PCDHGB3: variants seen among roughly 807,000 people sequenced by gnomAD.
The protein encoded by PCDHGB3 is protocadherin gamma-B3.
PCDHGB3 carries 40 observed loss-of-function variants against 59.2 expected under a neutral mutation model. The ratio of observed to expected loss-of-function variants is 0.68; its 90% CI spans 0.52 to 0.88. The LOEUF is 0.88. Among genes scored for constraint, PCDHGB3 ranks in the 40% least tolerant of loss-of-function variants. The probability of loss-of-function intolerance (pLI) is 0.00; values close to 1 mark genes in which losing one functional copy is unlikely to be tolerated. For synonymous variants in PCDHGB3, 581 were observed against 503.6 expected, an observed-to-expected ratio of 1.15 and a Z score of -2.06; for missense variants, 1,309 against 1,187.9, an observed-to-expected ratio of 1.10 and a Z score of -1.50.
At chr5:141,480,722 C>T (rs1002559431) in intron 1 of PCDHGB3, among the ~76,000 whole-genome samples, 1 of 152,174 alleles carries the variant, frequency 6.6e-6, no homozygotes, top group African/African-American at 2.4e-5. Flanking sequence ...AAAGCACAGT[C>T]TCTGGGGGTG....
At chr5:141,495,278 C>A (rs2099760057) in intron 2 of PCDHGB3, among the ~76,000 whole-genome samples, 1 of 152,174 alleles carries the variant, frequency 6.6e-6, no homozygotes, top group Non-Finnish European at 1.5e-5. Context: ...CCGGAGGAGG[C>A]GGTCCGCACT....
chr5:141,504,510 C>T (rs2099838864), intron 2 of PCDHGB3, among the ~76,000 whole-genome samples: 1 of 151,952 alleles, frequency 6.6e-6, no homozygotes, highest in Non-Finnish European at 1.5e-5. Context: ...GAGTGGATCT[C>T]CTCTGATATA....
intron 1 of PCDHGB3, chr5:141,410,146 C>G: frequency 6.2e-7 from 1 of 1,612,390 alleles, no homozygotes. Flanking sequence ...CTGTGCGTGA[C>G]GGTGGACAGC....
At chr5:141,438,538 A>G (rs950527053) in intron 1 of PCDHGB3, among the ~76,000 whole-genome samples, 2 of 145,166 alleles carry the variant, frequency 1.4e-5, no homozygotes, top group African/African-American at 2.6e-5. Context: ...CTTTTCCTCT[A>G]TATCTAAGCC....
chr5:141,389,208 G>A (rs762367131), intron 1 of PCDHGB3: 7 of 1,613,930 alleles, frequency 4.3e-6, no homozygotes, highest in Non-Finnish European at 5.9e-6. Context: ...GCACATTGGT[G>A]ATGTAAATGA....
At chr5:141,382,300 A>C (rs1428266380) in intron 1 of PCDHGB3, among the ~76,000 whole-genome samples, 1 of 152,240 alleles carries the variant, frequency 6.6e-6, no homozygotes, top group Non-Finnish European at 1.5e-5. Flanking sequence ...AATTAATTAA[A>C]ATTTATATAC....
rs2099883697 is a variant in PCDHGB3, at chr5:141,511,284, G to T, written c.*111G>T. On this transcript the variant is annotated 3_prime_UTR_variant, in exon 4 of 4. Coordinates refer to ENST00000576222, the MANE Select transcript of PCDHGB3 (RefSeq NM_018924.5). ...AGGGCTAACCCCCAGAATACTGGTA[G>T]GGGCCAAGGCCATGCTCCCCTTGGG... 6.5e-7 allele frequency: 1 copy of T among 1,528,258 alleles called. No homozygotes were observed. Among genetic ancestry groups the T allele is most frequent in the African/African-American group, 1.4e-5 (1 of 72,674 alleles). 94.7% of individuals were successfully genotyped at this position (1,528,258 alleles called of 1,614,324 possible). A position where few individuals can be genotyped will look rare whatever the true frequency, so the allele number is the denominator to read the frequency against.
At chr5:141,389,547 G>A in intron 1 of PCDHGB3, 1 of 1,613,252 alleles carries the variant, frequency 6.2e-7, no homozygotes, top group East Asian at 2.2e-5. Context: ...CGACCGCAAC[G>A]ACAATGCGCC....
intron 1 of PCDHGB3, among the ~76,000 whole-genome samples, chr5:141,454,796 A>ATTTTTTTTTTT (rs61612330): frequency 0.014 from 1,093 of 77,476 alleles, 165 homozygotes; most frequent in African/African-American, 0.018. Flanking sequence ...CATGGTTCTA[A>ATTTTTTTTTTT]TTTTTTTTTT....
intron 1 of PCDHGB3, among the ~76,000 whole-genome samples, chr5:141,468,216 T>C (rs2099160325): frequency 6.6e-6 from 1 of 150,794 alleles, no homozygotes. Flanking sequence ...TTCCAGCTAC[T>C]TGGGAGGATG....
At chr5:141,407,932 C>T (rs1465007397) in intron 1 of PCDHGB3, 7 of 504,268 alleles carry the variant, frequency 1.4e-5, no homozygotes, top group Non-Finnish European at 2.0e-5. Context: ...CACGGAGCCT[C>T]TGGGCGCCGC....
intron 1 of PCDHGB3, among the ~76,000 whole-genome samples, chr5:141,461,886 C>T (rs944110458): frequency 3.3e-5 from 5 of 151,972 alleles, no homozygotes; most frequent in South Asian, 2.1e-4. Context: ...TGCAATGGCA[C>T]GATCTCGGCT....
At chr5:141,494,780 G>A (rs1314622459) in intron 1 of PCDHGB3, 27 bp from the exon 2 acceptor site, 13 of 1,613,898 alleles carry the variant, frequency 8.1e-6, no homozygotes, top group African/African-American at 1.3e-5. Context: ...CGGGTACTCA[G>A]CCCCTTTCCC....
At chr5:141,415,739 GGTTTTTTTT>G in intron 1 of PCDHGB3, 5 of 434,942 alleles carry the variant, frequency 1.1e-5, no homozygotes, top group African/African-American at 9.8e-5. Context: ...TGTTTATTAA[GGTTTTTTTT>G]TTTTTTTTTT....
chr5:141,484,958 G>C (rs2099604320), intron 1 of PCDHGB3: 1 of 575,756 alleles, frequency 1.7e-6, no homozygotes, highest in Non-Finnish European at 3.1e-6. Flanking sequence ...TATTGGCTGA[G>C]CCCGGGAGCC....
chr5:141,399,968 G>T (rs1173181110), intron 1 of PCDHGB3: 2 of 1,612,128 alleles, frequency 1.2e-6, no homozygotes, highest in Non-Finnish European at 1.7e-6. Flanking sequence ...GGGCTCTTCA[G>T]CCTGGGGCTG....
intron 1 of PCDHGB3, chr5:141,478,174 G>GA (rs1156842877): frequency 3.7e-6 from 6 of 1,613,692 alleles, no homozygotes; most frequent in South Asian, 1.1e-5. Context: ...CCCGGGAGCA[G>GA]AAAAAAAATC....
chr5:141,423,647 C>T (rs775169904), intron 1 of PCDHGB3: 3 of 1,589,144 alleles, frequency 1.9e-6, no homozygotes, highest in Non-Finnish European at 2.6e-6. Flanking sequence ...AAATGTGACC[C>T]GACAAGTAAT....
In PCDHGB3 at chr5:141,489,456, G is replaced by A. The variant is rs1468723020; in HGVS notation, c.2416-5351G>A. The A allele has an allele frequency of 1.2e-6, 2 of 1,614,050 alleles. No homozygotes were observed. Among genetic ancestry groups the A allele is most frequent in the Non-Finnish European group, 1.7e-6 (2 of 1,180,016 alleles). ...TGCAATTGGGCTCTGAGGAGAATGG[G>A]CGCTATTTTTCCCTGAGCTTGATGA... On this transcript the variant is annotated intron_variant, in intron 1 of 3. Transcript: ENST00000576222. This position sits in a 1 kb window ranked among gnomAD's most constrained non-coding sequence, Gnocchi z 4.5.
Sources: gnomAD v4.1 joint callset for allele counts (sites outside exome capture counted in the v4.1 genomes callset) on GRCh38, gnomAD v4.1.1 for gene constraint, Gnocchi (gnomAD v3.1) non-coding constraint, MANE v1.5 for transcripts, NCBI Gene and HGNC (gene_info 2026-07-23, HGNC 2026-07-21) for gene names.